The following PEAK1 variants were observed in gnomAD, a reference collection of about 807,000 sequenced individuals.
PEAK1 encodes the protein pseudopodium enriched atypical kinase 1.
Under a neutral mutation model 124.7 loss-of-function variants are expected in PEAK1, and 54 were observed. The observed-to-expected ratio is 0.43, with a 90% CI of 0.35 to 0.54. The LOEUF (loss-of-function observed/expected upper bound fraction) is 0.54, where lower values mean the gene tolerates loss of function less well. Ranked by LOEUF, PEAK1 falls within the 20% of genes least tolerant of loss-of-function variation. The probability of loss-of-function intolerance (pLI) is 0.01; values close to 1 mark genes in which losing one functional copy is unlikely to be tolerated. For synonymous variants in PEAK1, 719 were observed against 760.0 expected (o/e 0.95, Z 0.89); for missense variants, 2,046 against 2,134.5 (o/e 0.96, Z 0.82).
chr15:77,337,882 T>C (rs2066297195), intron 2 of PEAK1: 4 of 985,280 alleles, frequency 4.1e-6, no homozygotes, highest in Non-Finnish European at 4.8e-6. Flanking sequence ...CCTTGTCATA[T>C]TAGTCTGTTC....
chr15:77,179,278 A>G lies in PEAK1; in HGVS notation c.2649T>C (p.Gly883=), dbSNP rs1358835036. ...PRSTSSPYHA[G]NLLQRHFTNW... The stretch of plus-strand genomic sequence containing the variant: ...TGGTGAAATGCCTCTGCAAAAGGTT[A>G]CCTGCATGGTAAGGAGAAGAAGTAG... The change falls in exon 7 of 10, where the codon GGT becomes GGC. Residue 883 remains glycine, a synonymous_variant. Transcript: ENST00000682557. 1 of 1,614,138 alleles carries G rather than the reference A, an allele frequency of 6.2e-7. No homozygotes were observed. Among genetic ancestry groups the G allele is most frequent in the Non-Finnish European group, 8.5e-7 (1 of 1,180,030 alleles).
At chr15:77,191,067 G>A (rs2057808656) in intron 6 of PEAK1, among the ~76,000 whole-genome samples, 1 of 152,116 alleles carries the variant, frequency 6.6e-6, no homozygotes. Flanking sequence ...CACTGACAGA[G>A]CACAGTTATT....
At chr15:77,279,184 G>A (rs1254944971) in intron 5 of PEAK1, among the ~76,000 whole-genome samples, 1 of 151,796 alleles carries the variant, frequency 6.6e-6, no homozygotes, top group South Asian at 2.1e-4. Context: ...TTGTTTTTGG[G>A]GGAAGGGGCA....
intron 2 of PEAK1, among the ~76,000 whole-genome samples, chr15:77,354,564 G>C (rs1250931370): frequency 6.6e-6 from 1 of 152,150 alleles, no homozygotes; most frequent in Non-Finnish European, 1.5e-5. Context: ...TTACAGGTAG[G>C]TACTTTGTGA....
intron 8 of PEAK1, among the ~76,000 whole-genome samples, chr15:77,142,352 T>G (rs1403403522): frequency 6.6e-6 from 1 of 152,214 alleles, no homozygotes; most frequent in African/African-American, 2.4e-5. Flanking sequence ...TGCTTATACA[T>G]TGCTAGTAGG....
intron 2 of PEAK1, among the ~76,000 whole-genome samples, chr15:77,342,852 A>G (rs1000304537): frequency 1.3e-5 from 2 of 152,196 alleles, no homozygotes; most frequent in African/African-American, 4.8e-5. Flanking sequence ...TTGTTTATCC[A>G]TTCATCTGAT....
Position 77,180,210 on chromosome 15 carries a change from G to A in PEAK1, c.1717C>T (p.Pro573Ser). 5 of 1,614,190 alleles carry A rather than the reference G, an allele frequency of 3.1e-6. 1 individual carries two copies. Among genetic ancestry groups the A allele is most frequent in the South Asian group, 2.2e-5 (2 of 91,084 alleles). Residue 573 changes from proline to serine, a missense_variant, in exon 7 of 10, where the codon CCC (proline) becomes TCC (serine). Transcript: ENST00000682557. ...KNCHKSAPTS[P>S]TATNISSKTI... ...TTGGAGGAAATGTTTGTAGCTGTGG[G>A]TGATGTAGGTGCTGATTTGTGACAG...
At chr15:77,295,295 G>A (rs994944934) in intron 2 of PEAK1, among the ~76,000 whole-genome samples, 1 of 151,936 alleles carries the variant, frequency 6.6e-6, no homozygotes, top group Non-Finnish European at 1.5e-5. Context: ...ATTAAAATAA[G>A]CATGGTATAT....
At chr15:77,147,727 AATCATC>A (rs1406154571) in intron 8 of PEAK1, among the ~76,000 whole-genome samples, 2 of 152,184 alleles carry the variant, frequency 1.3e-5, no homozygotes, top group Non-Finnish European at 2.9e-5. Flanking sequence ...CCCAGAGTAA[AATCATC>A]ATTCTGTGAG....
intron 6 of PEAK1, among the ~76,000 whole-genome samples, chr15:77,233,292 C>G (rs1226950794): frequency 6.6e-6 from 1 of 152,158 alleles, no homozygotes; most frequent in East Asian, 1.9e-4. Flanking sequence ...CCCATCAGTT[C>G]AACAAAACTC....
At chr15:77,379,647 C>T (rs1175494750) in intron 1 of PEAK1, among the ~76,000 whole-genome samples, 1 of 152,036 alleles carries the variant, frequency 6.6e-6, no homozygotes, top group Admixed American at 6.5e-5. Context: ...AACCCAAGGG[C>T]CCATCCAACA....
At chr15:77,131,397 G>A (rs2152738564) in intron 9 of PEAK1, among the ~76,000 whole-genome samples, 2 of 152,326 alleles carry the variant, frequency 1.3e-5, no homozygotes, top group Non-Finnish European at 2.9e-5. Flanking sequence ...GGAGGCTGAG[G>A]CAGGAGAATC....
chr15:77,120,124 A>C (rs1417115974), intron 9 of PEAK1, among the ~76,000 whole-genome samples: 2 of 152,200 alleles, frequency 1.3e-5, no homozygotes, highest in African/African-American at 4.8e-5. Context: ...GGTGTTACTC[A>C]TTCTTCTTCA....
At chr15:77,200,488 C>T (rs374915363) in intron 6 of PEAK1, among the ~76,000 whole-genome samples, 12 of 152,222 alleles carry the variant, frequency 7.9e-5, no homozygotes, top group African/African-American at 2.9e-4. Context: ...TGGTCTGTAG[C>T]CCCAGACCTA....
chr15:77,342,785 A>G (rs974304216), intron 2 of PEAK1, among the ~76,000 whole-genome samples: 1 of 152,174 alleles, frequency 6.6e-6, no homozygotes, highest in African/African-American at 2.4e-5. Context: ...AGCATGTAAC[A>G]GGATTTCTTT....
intron 6 of PEAK1, among the ~76,000 whole-genome samples, chr15:77,248,485 G>A (rs1035886276): frequency 6.6e-6 from 1 of 152,192 alleles, no homozygotes; most frequent in Admixed American, 6.5e-5. Context: ...TTTGGCAGGT[G>A]ATTATATCCT....
intron 9 of PEAK1, among the ~76,000 whole-genome samples, chr15:77,130,014 G>A (rs1157628375): frequency 6.6e-6 from 1 of 152,128 alleles, no homozygotes; most frequent in Non-Finnish European, 1.5e-5. Context: ...AGCATTTAGT[G>A]TAAAATATCC....
At chr15:77,278,486 G>T in intron 5 of PEAK1, 1 of 495,524 alleles carries the variant, frequency 2.0e-6, no homozygotes, top group Admixed American at 2.1e-5. Flanking sequence ...AAAGGCTGAA[G>T]GGGATGCTAA....
intron 6 of PEAK1, among the ~76,000 whole-genome samples, chr15:77,192,520 A>T (rs2057885726): frequency 6.6e-6 from 1 of 152,218 alleles, no homozygotes; most frequent in Non-Finnish European, 1.5e-5. Context: ...CCCAATAAAA[A>T]TATGCTGGGT....
Sources: allele counts gnomAD v4.1 joint callset (sites outside exome capture counted in the v4.1 genomes callset), GRCh38; gene constraint gnomAD v4.1.1; transcripts MANE v1.5; gene names NCBI Gene and HGNC (gene_info 2026-07-23, HGNC 2026-07-21).